Variants in NTPCR observed in about 807,000 individuals in gnomAD.
The protein encoded by NTPCR is nucleoside-triphosphatase, cancer-related.
NTPCR carries 15 observed loss-of-function variants against 19.5 expected under a neutral mutation model. The ratio of observed to expected loss-of-function variants is 0.77; its 90% CI spans 0.51 to 1.18. NTPCR has a LOEUF of 1.18. NTPCR is among the 50% of genes most tolerant of loss of function. NTPCR has a pLI of 0.00. For missense variants in NTPCR, 206 were observed against 240.4 expected, an observed-to-expected ratio of 0.86 and a Z score of 0.95; for synonymous variants, 90 against 95.8, an observed-to-expected ratio of 0.94 and a Z score of 0.36.
At chr1:232,959,670 G>T (rs934405570) in intron 3 of NTPCR, among the ~76,000 whole-genome samples, 25 of 152,160 alleles carry the variant, frequency 1.6e-4, no homozygotes, top group African/African-American at 4.1e-4. Context: ...AAGTAAACTG[G>T]AAGTGTTAGA....
Position 232,982,664 on chromosome 1 carries a change from G to A in NTPCR, c.*4433G>A, listed in dbSNP as rs1669314052. ...CAGCCTGGGTTTCTAGCTCTTTGGG[G>A]AGATTCCCCGTTTTGTGGAATGCTT... On this transcript the variant is annotated 3_prime_UTR_variant, in exon 5 of 5. Coordinates refer to ENST00000366628, the MANE Select transcript of NTPCR (RefSeq NM_032324.3). 1 of 152,276 alleles carries A rather than the reference G, an allele frequency of 6.6e-6. No homozygotes were observed. Among genetic ancestry groups the A allele is most frequent in the Non-Finnish European group, 1.5e-5 (1 of 68,088 alleles). The allele number at this position is 152,276 out of a possible 1,614,324, so 9.4% of individuals were successfully genotyped here. A position where few individuals can be genotyped will look rare whatever the true frequency, so the allele number is the denominator to read the frequency against.
chr1:232,969,230 C>T (rs2102753000), intron 3 of NTPCR: 1 of 152,466 alleles, frequency 6.6e-6, no homozygotes, highest in East Asian at 1.9e-4. Context: ...ACCTCACCGT[C>T]AGCTGCCTGA....
chr1:232,977,655 C>T (rs941920032), intron 4 of NTPCR: 2 of 154,524 alleles, frequency 1.3e-5, no homozygotes, highest in Non-Finnish European at 2.9e-5. Flanking sequence ...GGCTCTCCCA[C>T]TTCTCCATGT....
At chr1:232,965,811 C>A in intron 3 of NTPCR, 1 of 152,396 alleles carries the variant, frequency 6.6e-6, no homozygotes. Context: ...TTCAAGCGCT[C>A]TTCAGTCGGG....
At chr1:232,952,336 AATAGCTGG>A (rs1474868172) in intron 1 of NTPCR, among the ~76,000 whole-genome samples, 1 of 151,772 alleles carries the variant, frequency 6.6e-6, no homozygotes, top group East Asian at 1.9e-4. Flanking sequence ...CAACCTCCTG[AATAGCTGG>A]ATCTACAAGC....
rs746864614 is a variant in NTPCR, at chr1:232,981,534, G to T, written c.*3303G>T. 1 of 152,260 alleles carries T rather than the reference G, an allele frequency of 6.6e-6. No homozygotes were observed. The allele number at this position is 152,260 out of a possible 1,614,324, so 9.4% of individuals were successfully genotyped here. Reference sequence around the variant, plus strand: ...AAACAGGCATTGCATTGCACATTTTGTGGGCAAAGAAGTTGAAGCATCGCA... The same window carrying T: ...AAACAGGCATTGCATTGCACATTTTTTGGGCAAAGAAGTTGAAGCATCGCA... On this transcript the variant is annotated 3_prime_UTR_variant, in exon 5 of 5. Transcript: ENST00000366628.
chr1:232,964,054 G>A (rs1051821162), intron 3 of NTPCR: 4 of 151,868 alleles, frequency 2.6e-5, no homozygotes, highest in South Asian at 4.2e-4. Flanking sequence ...TTAATCTATC[G>A]TTAGTGTTCT....
intron 3 of NTPCR, chr1:232,968,995 T>G (rs1668899889): frequency 6.6e-6 from 1 of 152,234 alleles, no homozygotes; most frequent in Non-Finnish European, 1.5e-5. Context: ...TCTCAAAATT[T>G]AGCAGCTTAA....
In NTPCR at chr1:232,978,343, T is replaced by G; in HGVS notation, c.*112T>G. The G allele has an allele frequency of 1.2e-6, 1 of 816,696 alleles. No individual in the cohort carries two copies. The highest frequency in any genetic ancestry group is 2.0e-6 in the Non-Finnish European group (1 of 507,546). 50.6% of individuals were successfully genotyped at this position (816,696 alleles called of 1,614,324 possible). A position where few individuals can be genotyped will look rare whatever the true frequency, so the allele number is the denominator to read the frequency against. ...TGGGGTTATGGAACCTTGTGGGCTTTTCTAGAGAAAACTCAACAGCTGTTT... is the reference window on the plus strand; with the variant it reads ...TGGGGTTATGGAACCTTGTGGGCTTGTCTAGAGAAAACTCAACAGCTGTTT... On this transcript the variant is annotated 3_prime_UTR_variant, in exon 5 of 5. Coordinates refer to ENST00000366628, the MANE Select transcript of NTPCR (RefSeq NM_032324.3).
intron 1 of NTPCR, among the ~76,000 whole-genome samples, chr1:232,954,434 A>G (rs1359246833): frequency 6.6e-6 from 1 of 152,240 alleles, no homozygotes; most frequent in East Asian, 1.9e-4. Flanking sequence ...TAGTATCTCA[A>G]AATAGCTCAC....
At chr1:232,953,906 T>C (rs996998303) in intron 1 of NTPCR, among the ~76,000 whole-genome samples, 45 of 152,264 alleles carry the variant, frequency 3.0e-4, no homozygotes, top group Non-Finnish European at 5.6e-4. Context: ...ATTATATACA[T>C]GGTGCCATGA....
rs73103439 is a variant in NTPCR, at chr1:232,970,939, C to T, written c.504+821C>T. ...GGAGTCAAACTCTGGGGGATGGCCC[C>T]ATGATCTGTTCTGGCAAGTTCTCAT... On this transcript the variant is annotated intron_variant, in intron 4 of 4. Transcript: ENST00000366628. Among the ~76,000 whole-genome samples the T allele has an allele frequency of 3.7e-3, 561 of 152,288 alleles. 3 individuals carry two copies. The highest frequency in any genetic ancestry group is 0.013 in the African/African-American group (545 of 41,562).
chr1:232,969,828 T>C, intron 3 of NTPCR, 81 bp from the exon 4 acceptor site: 1 of 1,141,080 alleles, frequency 8.8e-7, no homozygotes, highest in Non-Finnish European at 1.3e-6. Flanking sequence ...ACCTCATTGG[T>C]GAGTGATTGG....
Position 232,982,205 on chromosome 1 carries a change from G to A in NTPCR, c.*3974G>A, listed in dbSNP as rs1365111704. On this transcript the variant is annotated 3_prime_UTR_variant, in exon 5 of 5. Transcript: ENST00000366628. The stretch of plus-strand genomic sequence containing the variant: ...AAGGACCAGATTAACAAGTTCATGA[G>A]TTGTAAATATAAAAGTTGTGTACCA... The A allele has an allele frequency of 1.3e-5, 2 of 152,194 alleles. No homozygotes were observed. Among genetic ancestry groups the A allele is most frequent in the African/African-American group, 4.8e-5 (2 of 41,448 alleles). 9.4% of individuals were successfully genotyped at this position (152,194 alleles called of 1,614,324 possible).
intron 1 of NTPCR, among the ~76,000 whole-genome samples, chr1:232,953,250 A>AG (rs1668423016): frequency 6.6e-6 from 1 of 152,156 alleles, no homozygotes; most frequent in Non-Finnish European, 1.5e-5. Context: ...GGATCTGCTT[A>AG]GGGGAGAACC....
chr1:232,975,453 C>A (rs1463714311), intron 4 of NTPCR, among the ~76,000 whole-genome samples: 1 of 152,180 alleles, frequency 6.6e-6, no homozygotes, highest in Non-Finnish European at 1.5e-5. Flanking sequence ...CAACCCCAGA[C>A]CTGAAAACAT....
intron 4 of NTPCR, chr1:232,976,798 G>A (rs1222384050): frequency 2.9e-6 from 1 of 339,822 alleles, no homozygotes; most frequent in Non-Finnish European, 5.3e-6. Context: ...AGGACCAGTA[G>A]AAATGGGATC....
At chr1:232,967,105 T>A (rs1300276906) in intron 3 of NTPCR, 1 of 152,232 alleles carries the variant, frequency 6.6e-6, no homozygotes, top group Non-Finnish European at 1.5e-5. Flanking sequence ...GTTCTAAGTC[T>A]GTGTCTCTAT....
chr1:232,964,390 A>G (rs902408946), intron 3 of NTPCR: 1 of 152,154 alleles, frequency 6.6e-6, no homozygotes, highest in Non-Finnish European at 1.5e-5. Context: ...GACTTGTCCT[A>G]TTTCTCCACT....
Sources: allele counts gnomAD v4.1 joint callset (sites outside exome capture counted in the v4.1 genomes callset), GRCh38; gene constraint gnomAD v4.1.1; transcripts MANE v1.5; gene names NCBI Gene and HGNC (gene_info 2026-07-23, HGNC 2026-07-21).